The following KLHDC8A variants were observed in gnomAD, a reference collection of about 807,000 sequenced individuals.
The protein encoded by KLHDC8A is kelch domain-containing protein 8A.
Under a neutral mutation model 33.1 loss-of-function variants are expected in KLHDC8A, and 21 were observed. The ratio of observed to expected loss-of-function variants is 0.64; its 90% confidence interval spans 0.45 to 0.91. The LOEUF is 0.91. Ranked by LOEUF, KLHDC8A falls within the 40% of genes least tolerant of loss-of-function variation. KLHDC8A has a pLI of 0.00. For missense variants in KLHDC8A, 435 were observed against 483.3 expected (o/e 0.90, Z 0.94); for synonymous variants, 173 against 193.5 (o/e 0.89, Z 0.88).
Position 205,343,732 on chromosome 1 carries a change from A to C in KLHDC8A, c.-128T>G. On this transcript the variant is annotated 5_prime_UTR_variant, in exon 2 of 6. Coordinates refer to ENST00000367155, the MANE Select transcript of KLHDC8A (RefSeq NM_018203.3). ...GCTCCCGAGCGCCGGACCCAGCCAGACCCCGGCCAGTGCTTCACCGTGCCC... is the reference window on the plus strand; with the variant it reads ...GCTCCCGAGCGCCGGACCCAGCCAGCCCCCGGCCAGTGCTTCACCGTGCCC... 9.6e-7 allele frequency: 1 copy of C among 1,043,722 alleles called. No individual in the cohort carries two copies. 64.7% of individuals were successfully genotyped at this position (1,043,722 alleles called of 1,614,324 possible).
chr1:205,355,323 C>T (rs1471586616), intron 1 of KLHDC8A, among the ~76,000 whole-genome samples: 1 of 152,222 alleles, frequency 6.6e-6, no homozygotes, highest in East Asian at 1.9e-4. Context: ...TTCTGCTTCA[C>T]ATGCTCCTTC....
chr1:205,355,427 C>T (rs962747950), intron 1 of KLHDC8A, among the ~76,000 whole-genome samples: 12 of 152,168 alleles, frequency 7.9e-5, no homozygotes, highest in Non-Finnish European at 1.6e-4. Flanking sequence ...AGTCATTTTT[C>T]CCGTTTCTAT....
At chr1:205,340,293 G>A (rs1337307617) in intron 2 of KLHDC8A, among the ~76,000 whole-genome samples, 3 of 152,118 alleles carry the variant, frequency 2.0e-5, no homozygotes, top group Non-Finnish European at 2.9e-5. Flanking sequence ...GGGATTGCAG[G>A]TGTGAGCGAC....
At chr1:205,349,957 C>T (rs1242395701) in intron 1 of KLHDC8A, among the ~76,000 whole-genome samples, 1 of 152,202 alleles carries the variant, frequency 6.6e-6, no homozygotes, top group Non-Finnish European at 1.5e-5. Context: ...AAGAAGAGAG[C>T]AGCTGGGGTC....
intron 1 of KLHDC8A, among the ~76,000 whole-genome samples, chr1:205,355,371 C>T (rs1216843380): frequency 1.3e-5 from 2 of 152,188 alleles, no homozygotes; most frequent in East Asian, 3.9e-4. Flanking sequence ...CAGGGCTTGG[C>T]CTGAATGCCG....
At position 205,337,284 on chromosome 1, in the gene KLHDC8A, T is replaced by C. The variant is rs1000501874; in HGVS notation, c.*115A>G. The C allele has an allele frequency of 1.7e-5, 14 of 820,882 alleles. No homozygotes were observed. The highest frequency in any genetic ancestry group is 3.4e-5 in the African/African-American group (2 of 59,636). The allele number at this position is 820,882 out of a possible 1,614,324, so 50.8% of individuals were successfully genotyped here. A position where few individuals can be genotyped will look rare whatever the true frequency, so the allele number is the denominator to read the frequency against. ...GAGCCCCAAGGCCAGACTCCACTGG[T>C]TGCTAACAGGAGCTGACATTCTTGG... is the stretch of plus-strand genomic sequence containing the variant. On this transcript the variant is annotated 3_prime_UTR_variant, in exon 6 of 6. Transcript: ENST00000367155.
Position 205,343,804 on chromosome 1 carries a change from A to G in KLHDC8A, c.-189-11T>C, listed in dbSNP as rs1662866422. On this transcript the variant is annotated splice_polypyrimidine_tract_variant and intron_variant, in intron 1 of 5. Transcript: ENST00000367155. ...CGTCCACGCCTGGCCCTGCGGGGGG[A>G]ACGCGGTGAATCAAGGGCAGCTGGG... 6.7e-6 allele frequency: 4 copies of G among 596,126 alleles called. No homozygotes were observed. The highest frequency in any genetic ancestry group is 4.6e-4 in the Middle Eastern group (1 of 2,192). The allele number at this position is 596,126 out of a possible 1,614,324, so 36.9% of individuals were successfully genotyped here. A position where few individuals can be genotyped will look rare whatever the true frequency, so the allele number is the denominator to read the frequency against.
rs1662639967 is a variant in KLHDC8A at position 205,336,634 on chromosome 1, TG to T, written c.*764del. On this transcript the variant is annotated 3_prime_UTR_variant, in exon 6 of 6. Transcript: ENST00000367155. ...GAGAGGGTTTCACACAGAAACACTC[TG>T]GGGGCCTTCGGTGACAAAAGGGCTA... 6.6e-6 allele frequency: 1 copy of T among 152,610 alleles called. No homozygotes were observed. Among genetic ancestry groups the T allele is most frequent in the African/African-American group, 2.4e-5 (1 of 41,424 alleles). 9.5% of individuals were successfully genotyped at this position (152,610 alleles called of 1,614,324 possible).
chr1:205,355,854 T>C lies in KLHDC8A; in HGVS notation c.-190+679A>G, dbSNP rs566996670. 9.3e-4 allele frequency among the ~76,000 whole-genome samples: 142 copies of C among 152,334 alleles called. 1 individual carries two copies. The highest frequency in any genetic ancestry group is 3.2e-3 in the African/African-American group (132 of 41,564). On this transcript the variant is annotated intron_variant, in intron 1 of 5. Coordinates refer to ENST00000367155, the MANE Select transcript of KLHDC8A (RefSeq NM_018203.3). ...GCATCGGAAGGCAGGAACCATGTTATGTGCCATTGCTGTCAAAGCACTTTC... is the reference window on the plus strand; with the variant it reads ...GCATCGGAAGGCAGGAACCATGTTACGTGCCATTGCTGTCAAAGCACTTTC...
Position 205,343,770 on chromosome 1 carries a change from G to T in KLHDC8A, c.-166C>A. ...CTTCACCGTGCCCCGAGTCTCAGCGGTCCGGCGGCGTCCACGCCTGGCCCT... is the reference window on the plus strand; with the variant it reads ...CTTCACCGTGCCCCGAGTCTCAGCGTTCCGGCGGCGTCCACGCCTGGCCCT... On this transcript the variant is annotated 5_prime_UTR_variant, in exon 2 of 6. Coordinates refer to ENST00000367155, the MANE Select transcript of KLHDC8A (RefSeq NM_018203.3). The T allele has an allele frequency of 1.4e-6, 1 of 736,944 alleles. No homozygotes were observed. Among genetic ancestry groups the T allele is most frequent in the Non-Finnish European group, 2.1e-6 (1 of 478,506 alleles). The allele number at this position is 736,944 out of a possible 1,614,324, so 45.7% of individuals were successfully genotyped here.
At chr1:205,353,808 G>A (rs1226605809) in intron 1 of KLHDC8A, among the ~76,000 whole-genome samples, 5 of 152,174 alleles carry the variant, frequency 3.3e-5, no homozygotes, top group African/African-American at 1.2e-4. Context: ...TTGTATACCA[G>A]GGACATTTAC....
intron 1 of KLHDC8A, among the ~76,000 whole-genome samples, chr1:205,345,393 A>C (rs944730945): frequency 6.6e-6 from 1 of 152,198 alleles, no homozygotes; most frequent in Non-Finnish European, 1.5e-5. Context: ...TTACAAAACT[A>C]TAGCACAGTA....
Position 205,339,372 on chromosome 1 carries a change from C to T in KLHDC8A, c.579G>A (p.Glu193=). Residue 193 remains glutamate (E), a synonymous_variant, in exon 4 of 6, where the codon GAG becomes GAA. Transcript: ENST00000367155. The surrounding 1 kb of genome is among the most constrained non-coding windows in gnomAD (Gnocchi z 5.1). The stretch of plus-strand genomic sequence containing the variant: ...AGGAGCGAGTCTCGATGTCAAAGAC[C>T]TCGAAAGCGTTGACCGCGTACTTGG... ...RQSKYAVNAF[E]VFDIETRSWT... The T allele has an allele frequency of 6.2e-7, 1 of 1,614,146 alleles. No homozygotes were observed. Among genetic ancestry groups the T allele is most frequent in the Non-Finnish European group, 8.5e-7 (1 of 1,179,996 alleles).
intron 1 of KLHDC8A, among the ~76,000 whole-genome samples, chr1:205,349,511 T>G (rs1457259149): frequency 6.6e-6 from 1 of 152,180 alleles, no homozygotes. Flanking sequence ...ATCTTCGTTT[T>G]CAGACTCAGG....
intron 1 of KLHDC8A, among the ~76,000 whole-genome samples, chr1:205,349,592 G>A (rs1663039243): frequency 6.6e-6 from 1 of 152,192 alleles, no homozygotes. Context: ...GTGCGGGAAG[G>A]TATGCTTCTC....
intron 1 of KLHDC8A, among the ~76,000 whole-genome samples, chr1:205,350,787 G>T (rs1663075942): frequency 6.6e-6 from 1 of 152,188 alleles, no homozygotes; most frequent in African/African-American, 2.4e-5. Flanking sequence ...TGCCTATCAT[G>T]ATGGCGTGCG....
intron 1 of KLHDC8A, among the ~76,000 whole-genome samples, chr1:205,353,283 G>T (rs1339087626): frequency 6.6e-6 from 1 of 152,186 alleles, no homozygotes; most frequent in Non-Finnish European, 1.5e-5. Context: ...ACATGAAAGT[G>T]ATATGAAATT....
In KLHDC8A at chr1:205,337,354, G is replaced by A; in HGVS notation, c.*45C>T. 1 of 1,454,562 alleles carries A rather than the reference G, an allele frequency of 6.9e-7. No individual in the cohort carries two copies. Among genetic ancestry groups the A allele is most frequent in the East Asian group, 2.3e-5 (1 of 44,086 alleles). 90.1% of individuals were successfully genotyped at this position (1,454,562 alleles called of 1,614,324 possible). On this transcript the variant is annotated 3_prime_UTR_variant, in exon 6 of 6. Coordinates refer to ENST00000367155, the MANE Select transcript of KLHDC8A (RefSeq NM_018203.3). ...GACAAGATCATTCCTCATGTTAAGAGTGAAGTGATATGGTCCAGGGCAAAG... is the reference window on the plus strand; with the variant it reads ...GACAAGATCATTCCTCATGTTAAGAATGAAGTGATATGGTCCAGGGCAAAG...
chr1:205,348,863 A>G (rs1378833049), intron 1 of KLHDC8A, among the ~76,000 whole-genome samples: 2 of 152,194 alleles, frequency 1.3e-5, no homozygotes, highest in African/African-American at 4.8e-5. Context: ...CTTTTCTCCT[A>G]GCTAGCTGAA....
Sources: allele counts gnomAD v4.1 joint callset (sites outside exome capture counted in the v4.1 genomes callset), GRCh38; gene constraint gnomAD v4.1.1; non-coding constraint Gnocchi (gnomAD v3.1); transcripts MANE v1.5; gene names NCBI Gene and HGNC (gene_info 2026-07-23, HGNC 2026-07-21).